Variants in ABI3BP observed in about 807,000 individuals in gnomAD.
ABI3BP encodes target of Nesh-SH3.
ABI3BP carries 216 observed loss-of-function variants against 268.6 expected under a neutral mutation model. The observed-to-expected ratio is 0.80, with a 90% confidence interval of 0.72 to 0.90. The LOEUF (loss-of-function observed/expected upper bound fraction) is 0.90, where lower values mean the gene tolerates loss of function less well. ABI3BP is among the 40% of genes least tolerant of loss of function. The pLI is 0.00. For missense variants in ABI3BP, 2,090 were observed against 2,182.4 expected, an observed-to-expected ratio of 0.96 and a Z score of 0.84; for synonymous variants, 730 against 730.0, an observed-to-expected ratio of 1.00 and a Z score of 0.00.
chr3:100,949,042 A>T (rs1317878541), intron 1 of ABI3BP, among the ~76,000 whole-genome samples: 1 of 152,204 alleles, frequency 6.6e-6, no homozygotes, highest in Non-Finnish European at 1.5e-5. Context: ...AATATATTAC[A>T]GTCTACAAAA....
chr3:100,831,851 G>A lies in ABI3BP; in HGVS notation c.2401+413C>T, dbSNP rs138905812. Among the ~76,000 whole-genome samples the A allele has an allele frequency of 4.5e-4, 69 of 152,214 alleles. No homozygotes were observed. In the East Asian group the frequency reaches 9.8e-3, roughly 22 times the overall value. ...TGCATAAACATGCTGCCTCATATTC[G>A]TTTCTAACTGGTTATGCAGGAACAG... On this transcript the variant is annotated intron_variant, in intron 31 of 67. Transcript: ENST00000471714.
At chr3:100,821,597 C>CTTTT (rs369631203) in intron 38 of ABI3BP, among the ~76,000 whole-genome samples, 16 of 119,154 alleles carry the variant, frequency 1.3e-4, no homozygotes, top group South Asian at 2.6e-4. Context: ...TGAAGTAAGA[C>CTTTT]TTTTTTTTTT....
intron 31 of ABI3BP, among the ~76,000 whole-genome samples, chr3:100,831,931 TTCTG>T (rs2098501633): frequency 1.3e-5 from 2 of 152,210 alleles, no homozygotes; most frequent in African/African-American, 2.4e-5. Context: ...TTCTTCCCAC[TTCTG>T]ATGTATGGAC....
chr3:100,808,218 G>A lies in ABI3BP; in HGVS notation c.3625C>T (p.Arg1209Cys), dbSNP rs1366458241. Residue 1209 changes from arginine (R) to cysteine (C), a missense_variant, in exon 50 of 68, where the codon CGT becomes TGT. By Grantham distance (180) the Arg-to-Cys change is radical (BLOSUM62 -3). Coordinates refer to ENST00000471714, the MANE Select transcript of ABI3BP (RefSeq NM_001375547.2). ...GATGTTTTTGGCTTAGGAGGAGCAC[G>A]TGGTGTCTGCTTGGGAGCTAAAAGA... The part of the protein sequence containing the change: ...QTEPAPKQTP[R>C]APPKPKTSPR... The A allele has an allele frequency of 8.7e-6, 14 of 1,610,616 alleles. No individual in the cohort carries two copies. The highest frequency in any genetic ancestry group is 2.7e-5 in the African/African-American group (2 of 74,728).
chr3:100,879,117 C>T (rs2099198449), intron 6 of ABI3BP, among the ~76,000 whole-genome samples: 1 of 152,162 alleles, frequency 6.6e-6, no homozygotes, highest in Non-Finnish European at 1.5e-5. Context: ...AAAGCTTACT[C>T]CTCCTGCCTA....
chr3:100,935,888 G>A (rs1000928348), intron 1 of ABI3BP, among the ~76,000 whole-genome samples: 29 of 152,140 alleles, frequency 1.9e-4, no homozygotes, highest in Non-Finnish European at 3.2e-4. Flanking sequence ...CTGAGATGAT[G>A]GGGTTTTCTA....
At chr3:100,921,571 A>G (rs779868388) in intron 2 of ABI3BP, among the ~76,000 whole-genome samples, 7 of 152,050 alleles carry the variant, frequency 4.6e-5, no homozygotes, top group Non-Finnish European at 1.0e-4. Flanking sequence ...ATCATGTTTT[A>G]TCACGTCATC....
intron 44 of ABI3BP, among the ~76,000 whole-genome samples, chr3:100,814,061 C>T (rs2097937162): frequency 6.6e-6 from 1 of 151,978 alleles, no homozygotes; most frequent in Non-Finnish European, 1.5e-5. Context: ...TTGTTCAGGG[C>T]ATATTCATGA....
chr3:100,848,787 A>T lies in ABI3BP; in HGVS notation c.1576+14T>A, dbSNP rs2098805611. On this transcript the variant is annotated intron_variant, in intron 18 of 67. Coordinates refer to ENST00000471714, the MANE Select transcript of ABI3BP (RefSeq NM_001375547.2). ...CTGGAATTACATATCATGTAAATAT[A>T]AAGAGACATTTACCAGGTTTGGTTC... 2 of 1,603,406 alleles carry T rather than the reference A, an allele frequency of 1.2e-6. No homozygotes were observed. Among genetic ancestry groups the T allele is most frequent in the Non-Finnish European group, 1.7e-6 (2 of 1,170,462 alleles).
At chr3:100,912,158 C>A (rs116648662) in intron 2 of ABI3BP, 1 of 431,810 alleles carries the variant, frequency 2.3e-6, no homozygotes, top group Non-Finnish European at 4.2e-6. Context: ...AGCCCAAGAA[C>A]ACCTGCTCTT....
chr3:100,963,461 C>A, intron 1 of ABI3BP, among the ~76,000 whole-genome samples: 1 of 152,160 alleles, frequency 6.6e-6, no homozygotes, highest in East Asian at 1.9e-4. Context: ...CACTAATAAG[C>A]ATTAGTAGTC....
chr3:100,752,987 T>A, intron 65 of ABI3BP, 39 bp from the exon 66 acceptor site: 3 of 1,543,926 alleles, frequency 1.9e-6, no homozygotes, highest in Non-Finnish European at 1.8e-6. Flanking sequence ...TATCTGACTC[T>A]TGGGTCAGAT....
intron 1 of ABI3BP, among the ~76,000 whole-genome samples, chr3:100,958,955 C>T (rs2077812189): frequency 1.3e-5 from 2 of 152,176 alleles, no homozygotes; most frequent in South Asian, 4.1e-4. Flanking sequence ...TGGACATTCT[C>T]AAAACCACCC....
In ABI3BP at chr3:100,834,781, A is replaced by G. The variant is rs2098549858; in HGVS notation, c.2192-8T>C. 6.5e-7 allele frequency: 1 copy of G among 1,535,480 alleles called. No individual in the cohort carries two copies. Among genetic ancestry groups the G allele is most frequent in the Non-Finnish European group, 8.7e-7 (1 of 1,146,382 alleles). On this transcript the variant is annotated splice_polypyrimidine_tract_variant and splice_region_variant and intron_variant, in intron 28 of 67. Transcript: ENST00000471714. The stretch of plus-strand genomic sequence containing the variant: ...GTTGCGATGTTTTTGGAGCTAAAGA[A>G]AGGAAACTGGTTATTGTAGTCATAT...
At chr3:100,800,396 T>C (rs1260538148) in intron 51 of ABI3BP, among the ~76,000 whole-genome samples, 1 of 152,190 alleles carries the variant, frequency 6.6e-6, no homozygotes. Flanking sequence ...TTCAAACATA[T>C]GAATCCAATT....
intron 55 of ABI3BP, among the ~76,000 whole-genome samples, chr3:100,790,299 AT>A (rs2097162945): frequency 6.6e-6 from 1 of 152,006 alleles, no homozygotes; most frequent in Admixed American, 6.6e-5. Flanking sequence ...TCATCCTGGA[AT>A]TCATCTATTC....
At position 100,979,421 on chromosome 3, in the gene ABI3BP, T is replaced by A. The variant is rs187009068; in HGVS notation, c.79+13885A>T. ...GGTAAATGTTTCTTGCCATTTTTTT[T>A]AAAAGAAGATTACTCTCACAAAATA... is the stretch of plus-strand genomic sequence containing the variant. On this transcript the variant is annotated intron_variant, in intron 1 of 67. Coordinates refer to ENST00000471714, the MANE Select transcript of ABI3BP (RefSeq NM_001375547.2). 3.3e-3 allele frequency among the ~76,000 whole-genome samples: 501 copies of A among 152,260 alleles called. 1 individual carries two copies. The highest frequency in any genetic ancestry group is 0.011 in the African/African-American group (472 of 41,546).
At position 100,825,823 on chromosome 3, in the gene ABI3BP, G is replaced by A; in HGVS notation, c.2624C>T (p.Pro875Leu). ...TTFVPVTDLE[P>L]VTFRTEIPAT... ...AGGGATCTCAGTTCTAAAAGTAACA[G>A]GCTCGAGGTCTGTAACAGGAACTGA... The change falls in exon 35 of 68, where the codon CCT (proline) becomes CTT (leucine). Residue 875 changes from proline (P) to leucine (L), a missense_variant. By Grantham distance (98) the Pro-to-Leu change is moderately conservative (BLOSUM62 -3). Coordinates refer to ENST00000471714, the MANE Select transcript of ABI3BP (RefSeq NM_001375547.2). The A allele has an allele frequency of 6.5e-7, 1 of 1,535,538 alleles. No individual in the cohort carries two copies. The highest frequency in any genetic ancestry group is 8.7e-7 in the Non-Finnish European group (1 of 1,146,408).
At chr3:100,899,704 G>C (rs1040519046) in intron 3 of ABI3BP, among the ~76,000 whole-genome samples, 1 of 152,192 alleles carries the variant, frequency 6.6e-6, no homozygotes, top group East Asian at 1.9e-4. Flanking sequence ...CTGACTCATT[G>C]AAAATAATTA....
Sources: gnomAD v4.1 joint callset for allele counts (sites outside exome capture counted in the v4.1 genomes callset) on GRCh38, gnomAD v4.1.1 for gene constraint, MANE v1.5 for transcripts, NCBI Gene and HGNC (gene_info 2026-07-23, HGNC 2026-07-21) for gene names.